UNC45A: variants seen among roughly 807,000 people sequenced by gnomAD.
UNC45A encodes the protein protein unc-45 homolog A.
UNC45A carries 78 observed loss-of-function variants against 103.2 expected under a neutral mutation model. That is an observed-to-expected ratio of 0.76 (90% CI 0.63 to 0.91). The LOEUF is 0.91. UNC45A is among the 40% of genes least tolerant of loss of function. UNC45A has a pLI of 0.00. For synonymous variants in UNC45A, 495 were observed against 504.6 expected, an observed-to-expected ratio of 0.98 and a Z score of 0.25; for missense variants, 1,193 against 1,224.8, an observed-to-expected ratio of 0.97 and a Z score of 0.39.
chr15:90,949,287 C>A (rs199681462), intron 13 of UNC45A, 29 bp from the exon 14 acceptor site: 22 of 1,604,978 alleles, frequency 1.4e-5, no homozygotes, highest in Non-Finnish European at 1.8e-5. Flanking sequence ...TCAGCCTAGG[C>A]CCCTCTCCTA....
intron 9 of UNC45A, among the ~76,000 whole-genome samples, chr15:90,945,362 C>CTT (rs201389026): frequency 6.8e-6 from 1 of 146,402 alleles, no homozygotes; most frequent in African/African-American, 2.5e-5. Context: ...CATGACAGTC[C>CTT]TTTTTTTTTT....
At chr15:90,951,771 T>A (rs10852139) in intron 17 of UNC45A, among the ~76,000 whole-genome samples, 44,920 of 151,494 alleles carry the variant, frequency 0.3, 8,662 homozygotes, top group African/African-American at 0.53. Flanking sequence ...AAAAAAAATT[T>A]GCAAGGTGTG....
In UNC45A at chr15:90,944,966, C is replaced by G. The variant is rs369360894; in HGVS notation, c.1102C>G (p.Arg368Gly). Reference protein sequence around the residue: ...PGELAVTANSRMSASILLSKL... With the variant: ...PGELAVTANSGMSASILLSKL... ...GGAGCTCGCAGTGACCGCAAACAGC[C>G]GCATGAGCGCCTCTATTCTCCTCAG... The change falls in exon 9 of 20, where the codon CGC becomes GGC. Residue 368 changes from arginine to glycine, a missense_variant. Arg to Gly is a moderately radical substitution (Grantham distance 125, BLOSUM62 -2). Coordinates refer to ENST00000418476, the MANE Select transcript of UNC45A (RefSeq NM_018671.5). The G allele has an allele frequency of 6.2e-7, 1 of 1,612,774 alleles. No homozygotes were observed. The highest frequency in any genetic ancestry group is 1.1e-5 in the South Asian group (1 of 91,030).
Position 90,940,471 on chromosome 15 carries a change from C to A in UNC45A, c.685C>A (p.Arg229=), listed in dbSNP as rs144625807. Residue 229 remains arginine (R), a splice_region_variant and synonymous_variant, in exon 6 of 20, where the codon CGG becomes AGG. Transcript: ENST00000418476. ...LVGICSEHQS[R]TVATLSILGT... Reference sequence around the variant, plus strand: ...TGGCATTTGCTCTGAGCATCAGTCACGGGTAGGTGGAGTGGAGAGGCTGGT... The same window carrying A: ...TGGCATTTGCTCTGAGCATCAGTCAAGGGTAGGTGGAGTGGAGAGGCTGGT... 2 of 1,611,736 alleles carry A rather than the reference C, an allele frequency of 1.2e-6. No homozygotes were observed. Among genetic ancestry groups the A allele is most frequent in the Non-Finnish European group, 8.5e-7 (1 of 1,178,416 alleles).
chr15:90,953,443 C>T lies in UNC45A; in HGVS notation c.2578-16C>T, dbSNP rs1431978349. 4 of 1,612,580 alleles carry T rather than the reference C, an allele frequency of 2.5e-6. No individual in the cohort carries two copies. Among genetic ancestry groups the T allele is most frequent in the African/African-American group, 2.7e-5 (2 of 74,894 alleles). On this transcript the variant is annotated splice_polypyrimidine_tract_variant and intron_variant, in intron 19 of 19. Transcript: ENST00000418476. Reference sequence around the variant, plus strand: ...CCTGTTGCCCAGGGGTCATATCTACCCTGTTTTTCTCACAGACCACACACT... The same window carrying T: ...CCTGTTGCCCAGGGGTCATATCTACTCTGTTTTTCTCACAGACCACACACT...
In UNC45A at chr15:90,940,457, C is replaced by T; in HGVS notation, c.671C>T (p.Ser224Phe). ...AALRTLVGIC[S>F]EHQSRTVATL... is the part of the protein sequence containing the mutation. ...CTGCGTACGCTGGTTGGCATTTGCT[C>T]TGAGCATCAGTCACGGGTAGGTGGA... is the stretch of plus-strand genomic sequence containing the variant. Residue 224 changes from serine (S) to phenylalanine (F), a missense_variant, in exon 6 of 20, where the codon TCT becomes TTT. By Grantham distance (155) the Ser-to-Phe change is radical. Coordinates refer to ENST00000418476, the MANE Select transcript of UNC45A (RefSeq NM_018671.5). The T allele has an allele frequency of 6.2e-7, 1 of 1,613,792 alleles. No homozygotes were observed. The highest frequency in any genetic ancestry group is 8.5e-7 in the Non-Finnish European group (1 of 1,179,790).
rs35023899 is a variant in UNC45A at position 90,936,756 on chromosome 15, C to T, written c.426+296C>T. On this transcript the variant is annotated intron_variant, in intron 4 of 19. Coordinates refer to ENST00000418476, the MANE Select transcript of UNC45A (RefSeq NM_018671.5). The stretch of plus-strand genomic sequence containing the variant: ...GGGTATAAATTGGTACAGCTCTTTT[C>T]GAGAGTACTTTAGCATATCTATTCA... Among the ~76,000 whole-genome samples, 403 of 152,250 alleles carry T rather than the reference C, an allele frequency of 2.6e-3. 3 individuals carry two copies. The highest frequency in any genetic ancestry group is 9.2e-3 in the African/African-American group (381 of 41,564).
upstream of UNC45A, chr15:90,934,505 G>C (rs1276876810): frequency 2.5e-6 from 1 of 398,824 alleles, no homozygotes; most frequent in African/African-American, 2.1e-5. Context: ...TTGAGGCCCT[G>C]TACCAAGTCA....
intron 8 of UNC45A, 42 bp downstream of exon 8, chr15:90,943,124 G>C: frequency 6.4e-7 from 1 of 1,568,020 alleles, no homozygotes; most frequent in Non-Finnish European, 8.7e-7. Context: ...AGCAGCTGAA[G>C]TTTGTTTATT....
intron 17 of UNC45A, chr15:90,952,565 C>T (rs556991613): frequency 4.6e-5 from 10 of 216,448 alleles, no homozygotes; most frequent in South Asian, 3.0e-4. Context: ...GGACTACAGG[C>T]GCGCACCAGC....
chr15:90,949,462 G>A lies in UNC45A; in HGVS notation c.2006+19G>A. The A allele has an allele frequency of 1.2e-6, 2 of 1,612,718 alleles. No individual in the cohort carries two copies. Among genetic ancestry groups the A allele is most frequent in the Non-Finnish European group, 1.7e-6 (2 of 1,179,488 alleles). On this transcript the variant is annotated intron_variant, in intron 14 of 19. Transcript: ENST00000418476. The stretch of plus-strand genomic sequence containing the variant: ...TCTCCAGGTGAGCCAGCCTTGGTAG[G>A]AGCCAACCTTTCCCAACTCCTGAGC...
chr15:90,942,315 TG>T, intron 6 of UNC45A, 121 bp from the exon 7 acceptor site: 1 of 1,168,630 alleles, frequency 8.6e-7, no homozygotes, highest in Non-Finnish European at 1.2e-6. Flanking sequence ...TGTTTTCACC[TG>T]GAGCTGGGCC....
intron 4 of UNC45A, among the ~76,000 whole-genome samples, chr15:90,937,640 C>T (rs908023479): frequency 2.0e-5 from 3 of 151,916 alleles, no homozygotes; most frequent in Non-Finnish European, 2.9e-5. Flanking sequence ...GGGCCTGCCA[C>T]CACGCCCGGC....
rs201832982 is a variant in UNC45A at position 90,942,491 on chromosome 15, G to A, written c.742G>A (p.Val248Met). The A allele has an allele frequency of 2.8e-5, 45 of 1,614,020 alleles. No homozygotes were observed. The highest frequency in any genetic ancestry group is 4.0e-5 in the African/African-American group (3 of 74,906). Residue 248 changes from valine (V) to methionine (M), a missense_variant, in exon 7 of 20, where the codon GTG becomes ATG. Coordinates refer to ENST00000418476, the MANE Select transcript of UNC45A (RefSeq NM_018671.5). ...TCGGCGAGTAGTCTCCATCCTGGGC[G>A]TGGAAAGCCAGGCTGTGTCCCTGGC... ...GTRRVVSILG[V>M]ESQAVSLAAC...
At chr15:90,931,113 TAGC>T, upstream of UNC45A, 1 of 796,338 alleles carries the variant, frequency 1.3e-6, no homozygotes, top group Admixed American at 2.8e-5. Flanking sequence ...TCAGCTTAGT[TAGC>T]AGGAGACCTT....
chr15:90,944,153 G>C (rs1596226128), intron 8 of UNC45A, among the ~76,000 whole-genome samples: 1 of 151,820 alleles, frequency 6.6e-6, no homozygotes, highest in Admixed American at 6.6e-5. Flanking sequence ...TTGGGAGGCC[G>C]AGGTGGGCAG....
intron 6 of UNC45A, among the ~76,000 whole-genome samples, chr15:90,942,101 G>C (rs2036323904): frequency 1.3e-5 from 2 of 152,150 alleles, no homozygotes; most frequent in Admixed American, 1.3e-4. Flanking sequence ...CATTAAGCCT[G>C]GTGGTCAGGT....
Position 90,952,936 on chromosome 15 carries a change from A to T in UNC45A, c.2311A>T (p.Ile771Phe). Residue 771 changes from isoleucine to phenylalanine, a missense_variant, in exon 18 of 20, where the codon ATC becomes TTC. Transcript: ENST00000418476. Reference protein sequence around the residue: ...AGISERLRQKILKEKAVPMIE... With the variant: ...AGISERLRQKFLKEKAVPMIE... ...CCTCCTGTGGCCCTGCAGGCAGAAGATCCTGAAGGAGAAGGCTGTGCCCAT... is the reference window on the plus strand; with the variant it reads ...CCTCCTGTGGCCCTGCAGGCAGAAGTTCCTGAAGGAGAAGGCTGTGCCCAT... The T allele has an allele frequency of 3.7e-6, 6 of 1,612,744 alleles. 1 individual carries two copies. In the South Asian group the frequency reaches 6.6e-5, roughly 18 times the overall value.
upstream of UNC45A, chr15:90,935,108 C>T: frequency 1.7e-6 from 1 of 598,342 alleles, no homozygotes; most frequent in African/African-American, 1.9e-5. Context: ...CAGGTCTCTG[C>T]GGGGACAGCT....
Sources: gnomAD v4.1 joint callset for allele counts (sites outside exome capture counted in the v4.1 genomes callset) on GRCh38, gnomAD v4.1.1 for gene constraint, MANE v1.5 for transcripts, NCBI Gene and HGNC (gene_info 2026-07-23, HGNC 2026-07-21) for gene names.